Variants in PEX3 observed in about 807,000 individuals in gnomAD.
PEX3 encodes the protein peroxisomal biogenesis factor 3.
Under a neutral mutation model 55.8 loss-of-function variants are expected in PEX3, and 30 were observed. The observed-to-expected ratio is 0.54, with a 90% CI of 0.40 to 0.73. The LOEUF (loss-of-function observed/expected upper bound fraction) is 0.73, where lower values mean the gene tolerates loss of function less well. Among genes scored for constraint, PEX3 ranks in the 30% least tolerant of loss-of-function variants. PEX3 has a pLI of 0.00. For missense variants in PEX3, 351 were observed against 432.8 expected (o/e 0.81, Z 1.68); for synonymous variants, 135 against 148.4 (o/e 0.91, Z 0.66).
At position 143,488,380 on chromosome 6, in the gene PEX3, A is replaced by G. The variant is rs967869549; in HGVS notation, c.1039-763A>G. Among the ~76,000 whole-genome samples, 2 of 152,160 alleles carry G rather than the reference A, an allele frequency of 1.3e-5. No individual in the cohort carries two copies. Among genetic ancestry groups the G allele is most frequent in the South Asian group, 4.1e-4 (2 of 4,830 alleles). On this transcript the variant is annotated intron_variant, in intron 11 of 11. Coordinates refer to ENST00000367591, the MANE Select transcript of PEX3 (RefSeq NM_003630.3). This position sits in a 1 kb window ranked among gnomAD's most constrained non-coding sequence, Gnocchi z 4.9. The stretch of plus-strand genomic sequence containing the variant: ...ATATTATAAAGGAAACCAATCATAT[A>G]TAGTTTTCAAAATTTCTTTTAAAAT...
rs1779882609 is a variant in PEX3, at chr6:143,458,935, G to A, written c.74-150G>A. 2 of 573,746 alleles carry A rather than the reference G, an allele frequency of 3.5e-6. No homozygotes were observed. Among genetic ancestry groups the A allele is most frequent in the Non-Finnish European group, 3.1e-6 (1 of 320,742 alleles). The allele number at this position is 573,746 out of a possible 1,614,324, so 35.5% of individuals were successfully genotyped here. On this transcript the variant is annotated intron_variant, in intron 1 of 11. Transcript: ENST00000367591. This position sits in a 1 kb window ranked among gnomAD's most constrained non-coding sequence, Gnocchi z 6.1. ...AAAATGCTAATTTCCTTTTCTTTGG[G>A]CCAATCTTACAAAATTCTTTATTTA...
chr6:143,461,571 TG>T (rs1490047426), intron 2 of PEX3, among the ~76,000 whole-genome samples: 6 of 138,124 alleles, frequency 4.3e-5, no homozygotes, highest in African/African-American at 1.9e-4. Context: ...AAGATGTAAT[TG>T]ATATACTAGA....
intron 4 of PEX3, 89 bp from the exon 5 acceptor site, chr6:143,470,872 A>G (rs1480561359): frequency 9.3e-7 from 1 of 1,076,434 alleles, no homozygotes; most frequent in Non-Finnish European, 1.4e-6. Flanking sequence ...TTTAAAAGTC[A>G]TCTTACAAAA....
chr6:143,480,266 A>G (rs1246968521), intron 10 of PEX3, among the ~76,000 whole-genome samples: 2 of 152,190 alleles, frequency 1.3e-5, no homozygotes, highest in Non-Finnish European at 2.9e-5. Context: ...AGGTGCTCCA[A>G]TTAGTAAAAT....
At position 143,463,129 on chromosome 6, in the gene PEX3, A is replaced by G; in HGVS notation, c.287+132A>G. 2.9e-6 allele frequency: 2 copies of G among 696,472 alleles called. No homozygotes were observed. The highest frequency in any genetic ancestry group is 3.3e-5 in the South Asian group (2 of 60,402). The allele number at this position is 696,472 out of a possible 1,614,324, so 43.1% of individuals were successfully genotyped here. A position where few individuals can be genotyped will look rare whatever the true frequency, so the allele number is the denominator to read the frequency against. On this transcript the variant is annotated intron_variant, in intron 3 of 11. Transcript: ENST00000367591. This position sits in a 1 kb window ranked among gnomAD's most constrained non-coding sequence, Gnocchi z 5.7. ...TTTATATAGGCTCAGTAAGAAAAAT[A>G]CTAACTATATCATTTAACCTACATT... is the stretch of plus-strand genomic sequence containing the variant.
At position 143,476,926 on chromosome 6, in the gene PEX3, G is replaced by A. The variant is rs758116305; in HGVS notation, c.818+2070G>A. ...TTTAGAGTTTGGGATCGGGGGAAGA[G>A]CCAGCAAAGGAGACTGAGTAGGAGC... On this transcript the variant is annotated intron_variant, in intron 9 of 11. Coordinates refer to ENST00000367591, the MANE Select transcript of PEX3 (RefSeq NM_003630.3). The surrounding 1 kb of genome is among the most constrained non-coding windows in gnomAD (Gnocchi z 5.4). Among the ~76,000 whole-genome samples, 2 of 152,152 alleles carry A rather than the reference G, an allele frequency of 1.3e-5. No homozygotes were observed. Among genetic ancestry groups the A allele is most frequent in the Non-Finnish European group, 2.9e-5 (2 of 68,022 alleles).
intron 10 of PEX3, among the ~76,000 whole-genome samples, chr6:143,480,610 T>G (rs558195508): frequency 1.3e-5 from 2 of 152,332 alleles, no homozygotes; most frequent in Admixed American, 1.3e-4. Flanking sequence ...TATAAGTTTT[T>G]CTGTTTCATC....
chr6:143,460,586 C>T (rs1779903710), intron 2 of PEX3, among the ~76,000 whole-genome samples: 1 of 152,018 alleles, frequency 6.6e-6, no homozygotes, highest in Non-Finnish European at 1.5e-5. Flanking sequence ...TAAAATGGGC[C>T]AGGCATGGTG....
intron 10 of PEX3, among the ~76,000 whole-genome samples, chr6:143,481,151 TA>T (rs1780235220): frequency 2.4e-5 from 1 of 41,394 alleles, no homozygotes; most frequent in African/African-American, 3.4e-4. Flanking sequence ...CTTTAATTTA[TA>T]TATATATATA....
Position 143,459,077 on chromosome 6 carries a change from G to A in PEX3, c.74-8G>A. ...CTAATGAATATAGTACTTTTTTAAT[G>A]ATTGTAGGAGTATATATTCTGGGGA... is the stretch of plus-strand genomic sequence containing the variant. On this transcript the variant is annotated splice_polypyrimidine_tract_variant and splice_region_variant and intron_variant, in intron 1 of 11. Transcript: ENST00000367591. The surrounding 1 kb of genome is among the most constrained non-coding windows in gnomAD (Gnocchi z 4.2). 1 of 1,563,886 alleles carries A rather than the reference G, an allele frequency of 6.4e-7. No individual in the cohort carries two copies. The highest frequency in any genetic ancestry group is 8.8e-7 in the Non-Finnish European group (1 of 1,134,752).
Position 143,456,732 on chromosome 6 carries a change from C to T in PEX3, c.74-2353C>T, listed in dbSNP as rs572543845. Among the ~76,000 whole-genome samples, 242 of 152,250 alleles carry T rather than the reference C, an allele frequency of 1.6e-3. 1 individual carries two copies. Among genetic ancestry groups the T allele is most frequent in the Middle Eastern group, 3.4e-3 (1 of 294 alleles). On this transcript the variant is annotated intron_variant, in intron 1 of 11. Transcript: ENST00000367591. ...AATGACCTCATTTTAACTTGATTAC[C>T]ACTGTAAAGATTCTATTTCCAAATA...
At chr6:143,473,490 A>G (rs1780103691) in intron 8 of PEX3, among the ~76,000 whole-genome samples, 1 of 152,202 alleles carries the variant, frequency 6.6e-6, no homozygotes, top group African/African-American at 2.4e-5. Flanking sequence ...GAAATGATGG[A>G]CCAGATCTTA....
rs1250976428 is a variant in PEX3, at chr6:143,466,341, G to A, written c.288-1781G>A. Among the ~76,000 whole-genome samples the A allele has an allele frequency of 6.6e-6, 1 of 152,040 alleles. No homozygotes were observed. Among genetic ancestry groups the A allele is most frequent in the Non-Finnish European group, 1.5e-5 (1 of 67,930 alleles). On this transcript the variant is annotated intron_variant, in intron 3 of 11. Transcript: ENST00000367591. This position sits in a 1 kb window ranked among gnomAD's most constrained non-coding sequence, Gnocchi z 5.4. ...TGTCCAGCGGATCCATGCTGTAGAT[G>A]CTATCTACCTGTTAGTCACTTAGTA... is the stretch of plus-strand genomic sequence containing the variant.
rs758720604 is a variant in PEX3 at position 143,465,137 on chromosome 6, G to T, written c.287+2140G>T. ...CTTTACTTTTTATTTCTCCATGAAGGTATTTTAGTGACATTAAAGAGTCTG... is the reference window on the plus strand; with the variant it reads ...CTTTACTTTTTATTTCTCCATGAAGTTATTTTAGTGACATTAAAGAGTCTG... On this transcript the variant is annotated intron_variant, in intron 3 of 11. Transcript: ENST00000367591. The surrounding 1 kb of genome is among the most constrained non-coding windows in gnomAD (Gnocchi z 4.7). Among the ~76,000 whole-genome samples the T allele has an allele frequency of 5.3e-4, 81 of 152,026 alleles. No homozygotes were observed. The highest frequency in any genetic ancestry group is 9.7e-4 in the Non-Finnish European group (66 of 67,830).
chr6:143,457,996 T>C (rs1052496510), intron 1 of PEX3, among the ~76,000 whole-genome samples: 5 of 152,244 alleles, frequency 3.3e-5, no homozygotes, highest in African/African-American at 1.2e-4. Context: ...TGAATATTAC[T>C]AAAATGTTTT....
intron 8 of PEX3, among the ~76,000 whole-genome samples, chr6:143,472,947 CG>C (rs1327640242): frequency 1.3e-5 from 2 of 152,144 alleles, no homozygotes; most frequent in Non-Finnish European, 2.9e-5. Context: ...GTAGTTGTTA[CG>C]TAAGTTATTC....
At position 143,486,612 on chromosome 6, in the gene PEX3, A is replaced by G. The variant is rs1398781194; in HGVS notation, c.1038+1364A>G. Among the ~76,000 whole-genome samples the G allele has an allele frequency of 6.6e-6, 1 of 152,168 alleles. No homozygotes were observed. The highest frequency in any genetic ancestry group is 1.5e-5 in the Non-Finnish European group (1 of 68,002). On this transcript the variant is annotated intron_variant, in intron 11 of 11. Coordinates refer to ENST00000367591, the MANE Select transcript of PEX3 (RefSeq NM_003630.3). This position sits in a 1 kb window ranked among gnomAD's most constrained non-coding sequence, Gnocchi z 5.0. ...TTTAATTTTTTAAACTATAATTTCT[A>G]TGAGTTAAAATACCAAGTGGTCTTC...
rs1022141698 is a variant in PEX3 at position 143,486,249 on chromosome 6, C to T, written c.1038+1001C>T. On this transcript the variant is annotated intron_variant, in intron 11 of 11. Coordinates refer to ENST00000367591, the MANE Select transcript of PEX3 (RefSeq NM_003630.3). The surrounding 1 kb of genome is among the most constrained non-coding windows in gnomAD (Gnocchi z 5.0). ...TTTTACTGAATGTTAAGCTTCACAT[C>T]TATATCAATGTGAGAAAAAGGTCAT... 6.6e-6 allele frequency among the ~76,000 whole-genome samples: 1 copy of T among 152,110 alleles called. No homozygotes were observed. The highest frequency in any genetic ancestry group is 2.1e-4 in the South Asian group (1 of 4,834).
chr6:143,461,682 C>T (rs1467923076), intron 2 of PEX3, among the ~76,000 whole-genome samples: 1 of 151,968 alleles, frequency 6.6e-6, no homozygotes, highest in Non-Finnish European at 1.5e-5. Context: ...TGTGGTGGCT[C>T]ACACCTGTAA....
Sources: allele counts gnomAD v4.1 joint callset (sites outside exome capture counted in the v4.1 genomes callset), GRCh38; gene constraint gnomAD v4.1.1; non-coding constraint Gnocchi (gnomAD v3.1); transcripts MANE v1.5; gene names NCBI Gene and HGNC (gene_info 2026-07-23, HGNC 2026-07-21).